MON2: variants seen among roughly 807,000 people sequenced by gnomAD.
The protein encoded by MON2 is MON2 regulator of endosome-to-Golgi trafficking.
Under a neutral mutation model 208.6 loss-of-function variants are expected in MON2, and 84 were observed. That is an observed-to-expected ratio of 0.40 (90% confidence interval 0.34 to 0.48). The LOEUF (loss-of-function observed/expected upper bound fraction) is 0.48, where lower values mean the gene tolerates loss of function less well. Ranked by LOEUF, MON2 falls within the 20% of genes least tolerant of loss-of-function variation. MON2 has a pLI of 0.59. For missense variants in MON2, 1,611 were observed against 2,015.4 expected (o/e 0.80, Z 3.84); for synonymous variants, 660 against 694.0 (o/e 0.95, Z 0.77).
rs1436645694 is a variant in MON2 at position 62,595,692 on chromosome 12, C to G, written c.*2943C>G. On this transcript the variant is annotated 3_prime_UTR_variant, in exon 35 of 35. Transcript: ENST00000393630. ...TCATTTTGTAATGTCTTTAGTATTT[C>G]TTTATAACTAGTGTTAAGGTTTTGT... The G allele has an allele frequency of 1.3e-5, 2 of 152,110 alleles. No homozygotes were observed. Among genetic ancestry groups the G allele is most frequent in the Admixed American group, 1.3e-4 (2 of 15,276 alleles). 9.4% of individuals were successfully genotyped at this position (152,110 alleles called of 1,614,324 possible). A position where few individuals can be genotyped will look rare whatever the true frequency, so the allele number is the denominator to read the frequency against.
At chr12:62,504,496 C>T (rs1468868481) in intron 7 of MON2, among the ~76,000 whole-genome samples, 1 of 152,098 alleles carries the variant, frequency 6.6e-6, no homozygotes, top group Non-Finnish European at 1.5e-5. Flanking sequence ...ATCTGCCCAC[C>T]TCAGCCTCCC....
rs2072134744 is a variant in MON2, at chr12:62,522,944, A to G, written c.985-1571A>G. ...TTATAGTCATTGTGTCATAGAGAAA[A>G]AATGATATGCTTTCAAGGCAAGTTT... On this transcript the variant is annotated intron_variant, in intron 8 of 34. Coordinates refer to ENST00000393630, the MANE Select transcript of MON2 (RefSeq NM_015026.3). 3.9e-5 allele frequency among the ~76,000 whole-genome samples: 6 copies of G among 152,214 alleles called. No individual in the cohort carries two copies. In the South Asian group the frequency reaches 1.2e-3, roughly 32 times the overall value.
Position 62,553,004 on chromosome 12 carries a change from C to T in MON2, c.3040C>T (p.Pro1014Ser). Residue 1014 changes from proline to serine, a missense_variant, in exon 24 of 35, where the codon CCT (proline) becomes TCT (serine). Pro to Ser is a moderately conservative substitution (Grantham distance 74, BLOSUM62 -1). Transcript: ENST00000393630. The part of the protein sequence containing the change: ...KGVVLNRPFH[P>S]APPFDCLWLC... ...AGTTGTTTTAAATCGGCCATTCCAC[C>T]CTGCACCGCCATTTGATTGCTTGTG... 1.9e-6 allele frequency: 3 copies of T among 1,614,114 alleles called. No individual in the cohort carries two copies. Among genetic ancestry groups the T allele is most frequent in the Non-Finnish European group, 1.7e-6 (2 of 1,180,006 alleles).
At chr12:62,508,521 A>C in intron 8 of MON2, 41 bp downstream of exon 8, 2 of 1,569,258 alleles carry the variant, frequency 1.3e-6, no homozygotes, top group South Asian at 2.2e-5. Context: ...ATATAGTTGC[A>C]TGTTGTGCCC....
chr12:62,513,391 A>G (rs934309421), intron 8 of MON2, among the ~76,000 whole-genome samples: 1 of 151,686 alleles, frequency 6.6e-6, no homozygotes, highest in Non-Finnish European at 1.5e-5. Flanking sequence ...ACACCCGGCT[A>G]ATTTTTGTAT....
intron 11 of MON2, among the ~76,000 whole-genome samples, chr12:62,526,493 G>A (rs1484486884): frequency 6.6e-6 from 1 of 151,668 alleles, no homozygotes; most frequent in African/African-American, 2.4e-5. Flanking sequence ...CTATACAATG[G>A]GAGTAGTGAT....
chr12:62,549,920 C>G, intron 23 of MON2, 90 bp downstream of exon 23: 1 of 806,642 alleles, frequency 1.2e-6, no homozygotes, highest in Non-Finnish European at 1.8e-6. Flanking sequence ...ACTTTTAGCT[C>G]TTTGCAAATT....
In MON2 at chr12:62,538,292, C is replaced by G. The variant is rs745893288; in HGVS notation, c.2240C>G (p.Ser747Cys). ...GTGATGACAGATTTACCAGTGATTT[C>G]CAATATACTTTCAAGATTGTTTGAA... ...TAVMTDLPVISNILSRLFESS... is the reference protein window; with the variant it reads ...TAVMTDLPVICNILSRLFESS... Residue 747 changes from serine to cysteine, a missense_variant, in exon 18 of 35, where the codon TCC (serine) becomes TGC (cysteine). By Grantham distance (112) the Ser-to-Cys change is moderately radical. Coordinates refer to ENST00000393630, the MANE Select transcript of MON2 (RefSeq NM_015026.3). The G allele has an allele frequency of 2.0e-5, 32 of 1,613,372 alleles. No homozygotes were observed. Among genetic ancestry groups the G allele is most frequent in the Non-Finnish European group, 2.6e-5 (31 of 1,179,574 alleles).
intron 2 of MON2, among the ~76,000 whole-genome samples, chr12:62,488,938 A>G (rs1236136819): frequency 6.6e-6 from 1 of 152,142 alleles, no homozygotes; most frequent in Non-Finnish European, 1.5e-5. Context: ...ACCATGGCAT[A>G]TGTATACCTG....
At chr12:62,498,863 G>T (rs762484904) in intron 4 of MON2, 56 bp from the exon 5 acceptor site, 1 of 1,519,726 alleles carries the variant, frequency 6.6e-7, no homozygotes, top group Non-Finnish European at 8.8e-7. Flanking sequence ...ATTCAATAAA[G>T]ATAATGGCTT....
chr12:62,539,736 G>C (rs1270319288), intron 19 of MON2, among the ~76,000 whole-genome samples: 1 of 152,028 alleles, frequency 6.6e-6, no homozygotes, highest in African/African-American at 2.4e-5. Context: ...ATGTATTATG[G>C]CTGGGCATGG....
intron 1 of MON2, among the ~76,000 whole-genome samples, chr12:62,478,775 T>G (rs2069231977): frequency 6.6e-6 from 1 of 152,160 alleles, no homozygotes; most frequent in African/African-American, 2.4e-5. Flanking sequence ...ATTGAAGAAT[T>G]GAGACAGTGG....
At chr12:62,528,650 T>C (rs1305301625) in intron 11 of MON2, among the ~76,000 whole-genome samples, 2 of 152,174 alleles carry the variant, frequency 1.3e-5, no homozygotes, top group East Asian at 3.9e-4. Flanking sequence ...AATTGGAGAA[T>C]TGGAGTTTCT....
chr12:62,565,527 TG>T, intron 27 of MON2, 147 bp downstream of exon 27: 1 of 720,770 alleles, frequency 1.4e-6, no homozygotes, highest in East Asian at 2.9e-5. Flanking sequence ...CAGTTTAAGC[TG>T]AACAGAAATA....
chr12:62,470,755 C>A, intron 1 of MON2: 2 of 1,110,656 alleles, frequency 1.8e-6, no homozygotes, highest in Non-Finnish European at 2.2e-6. Context: ...GGAGTCATTC[C>A]TAGCAGAGGA....
At chr12:62,584,228 G>T (rs935697767) in intron 32 of MON2, among the ~76,000 whole-genome samples, 1 of 152,118 alleles carries the variant, frequency 6.6e-6, no homozygotes, top group African/African-American at 2.4e-5. Flanking sequence ...TGGGAGGCAT[G>T]TGAATTTACA....
At chr12:62,579,073 A>C (rs1046914323) in intron 31 of MON2, among the ~76,000 whole-genome samples, 42 of 137,034 alleles carry the variant, frequency 3.1e-4, no homozygotes, top group African/African-American at 1.8e-4. Flanking sequence ...CCATCTCTAC[A>C]AAAAAAAAAA....
chr12:62,573,184 T>C (rs1232317299), intron 30 of MON2, among the ~76,000 whole-genome samples: 1 of 152,240 alleles, frequency 6.6e-6, no homozygotes, highest in Non-Finnish European at 1.5e-5. Flanking sequence ...GGAAAAATTA[T>C]AGGCGCTCAT....
At chr12:62,539,109 ATAAT>A (rs1268712367) in intron 19 of MON2, among the ~76,000 whole-genome samples, 7 of 152,190 alleles carry the variant, frequency 4.6e-5, no homozygotes, top group African/African-American at 1.7e-4. Flanking sequence ...TATGTTAGAA[ATAAT>A]TAAACAAAAT....
Sources: allele counts gnomAD v4.1 joint callset (sites outside exome capture counted in the v4.1 genomes callset), GRCh38; gene constraint gnomAD v4.1.1; transcripts MANE v1.5; gene names NCBI Gene and HGNC (gene_info 2026-07-23, HGNC 2026-07-21).